The following MDGA2 variants were observed in gnomAD, a reference collection of about 807,000 sequenced individuals.
The protein encoded by MDGA2 is MAM domain-containing glycosylphosphatidylinositol anchor protein 2.
A neutral mutation model predicts 117.8 loss-of-function variants in MDGA2; 40 were observed. The ratio of observed to expected loss-of-function variants is 0.34; its 90% CI spans 0.26 to 0.44. The LOEUF (loss-of-function observed/expected upper bound fraction) is 0.44. Among genes scored for constraint, MDGA2 ranks in the 20% least tolerant of loss-of-function variants. The pLI, the probability that MDGA2 is intolerant of heterozygous loss-of-function variation, is 1.00. For synonymous variants in MDGA2, 452 were observed against 439.0 expected, an observed-to-expected ratio of 1.03 and a Z score of -0.37; for missense variants, 1,123 against 1,250.6, an observed-to-expected ratio of 0.90 and a Z score of 1.54.
At chr14:46,900,831 A>G (rs1313651113) in intron 10 of MDGA2, among the ~76,000 whole-genome samples, 1 of 152,090 alleles carries the variant, frequency 6.6e-6, no homozygotes, top group African/African-American at 2.4e-5. Flanking sequence ...TGCATGTACA[A>G]TGGGTGAACT....
chr14:46,955,025 T>C (rs1395025960), intron 9 of MDGA2, among the ~76,000 whole-genome samples: 2 of 152,100 alleles, frequency 1.3e-5, no homozygotes, highest in Non-Finnish European at 1.5e-5. Flanking sequence ...TAGAATGATA[T>C]TCAGTCATGC....
chr14:47,325,936 G>A (rs998819658), intron 1 of MDGA2, among the ~76,000 whole-genome samples: 2 of 152,070 alleles, frequency 1.3e-5, no homozygotes, highest in Non-Finnish European at 2.9e-5. Context: ...TAGGGATAAC[G>A]GGACCAAATT....
Position 47,053,680 on chromosome 14 carries a change from T to C in MDGA2, c.1525+7569A>G, listed in dbSNP as rs1171723537. On this transcript the variant is annotated intron_variant, in intron 7 of 16. Transcript: ENST00000399232. ...ACACACACACACACACATATATATA[T>C]ACACACACACATATATGTCTGAGAA... is the stretch of plus-strand genomic sequence containing the variant. 6.9e-5 allele frequency among the ~76,000 whole-genome samples: 10 copies of C among 143,990 alleles called. 1 individual carries two copies. Among genetic ancestry groups the C allele is most frequent in the South Asian group, 6.6e-4 (3 of 4,542 alleles). The allele number at this position is 143,990 out of a possible 152,430, so 94.5% of individuals were successfully genotyped here.
chr14:46,841,845 AGTTT>A lies in MDGA2; in HGVS notation c.*82_*85del, dbSNP rs757966935. On this transcript the variant is annotated 3_prime_UTR_variant, in exon 17 of 17. Coordinates refer to ENST00000399232, the MANE Select transcript of MDGA2 (RefSeq NM_001113498.3). ...AGTAGTCAGTGGAGGAATCTTTGGT[AGTTT>A]GTTTGTTCAATGTCCATTTACAAAG... 6 of 901,276 alleles carry A rather than the reference AGTTT, an allele frequency of 6.7e-6. No individual in the cohort carries two copies. The highest frequency in any genetic ancestry group is 5.1e-5 in the East Asian group (2 of 39,574). The allele number at this position is 901,276 out of a possible 1,614,324, so 55.8% of individuals were successfully genotyped here.
chr14:47,241,319 G>A (rs552275851), intron 2 of MDGA2, among the ~76,000 whole-genome samples: 1 of 151,772 alleles, frequency 6.6e-6, no homozygotes, highest in Non-Finnish European at 1.5e-5. Flanking sequence ...TCTCCTTCAG[G>A]CTCCATGCAC....
At chr14:47,043,061 G>A (rs1484356091) in intron 7 of MDGA2, among the ~76,000 whole-genome samples, 2 of 151,950 alleles carry the variant, frequency 1.3e-5, no homozygotes, top group Admixed American at 6.6e-5. Context: ...TCCATTCCAA[G>A]TCTGAATAAT....
chr14:47,354,814 G>T (rs1890957305), intron 1 of MDGA2, among the ~76,000 whole-genome samples: 1 of 152,104 alleles, frequency 6.6e-6, no homozygotes, highest in South Asian at 2.1e-4. Context: ...TGGTAATCTA[G>T]ATCTGGCTAA....
At chr14:47,442,994 T>A (rs908783248) in intron 1 of MDGA2, among the ~76,000 whole-genome samples, 1 of 152,134 alleles carries the variant, frequency 6.6e-6, no homozygotes, top group African/African-American at 2.4e-5. Context: ...TTGCCGTTCT[T>A]GTGTTCAAGT....
intron 3 of MDGA2, among the ~76,000 whole-genome samples, chr14:47,183,797 C>T (rs1443183038): frequency 1.3e-5 from 2 of 152,008 alleles, no homozygotes. Context: ...AATAGTTCAG[C>T]ACCAGAATTC....
chr14:47,279,289 T>C (rs1002641770), intron 2 of MDGA2, among the ~76,000 whole-genome samples: 3 of 152,182 alleles, frequency 2.0e-5, no homozygotes, highest in Non-Finnish European at 4.4e-5. Context: ...TTTAAGTCTC[T>C]ATTTTCCATT....
intron 1 of MDGA2, among the ~76,000 whole-genome samples, chr14:47,534,567 G>C (rs1305148044): frequency 6.6e-6 from 1 of 152,104 alleles, no homozygotes; most frequent in Non-Finnish European, 1.5e-5. Context: ...CAGATCTCGT[G>C]AGAACTCGCT....
intron 16 of MDGA2, among the ~76,000 whole-genome samples, chr14:46,844,372 G>A (rs958816587): frequency 6.6e-6 from 1 of 152,078 alleles, no homozygotes; most frequent in African/African-American, 2.4e-5. Context: ...CTGAGGTCGG[G>A]AGTTCGAGAC....
intron 9 of MDGA2, among the ~76,000 whole-genome samples, chr14:46,956,322 AATTT>A (rs1003641409): frequency 7.2e-5 from 11 of 152,146 alleles, no homozygotes; most frequent in African/African-American, 2.6e-4. Context: ...ATGCATTCCT[AATTT>A]GTCACTCATA....
At chr14:47,115,529 T>C (rs1477469540) in intron 5 of MDGA2, among the ~76,000 whole-genome samples, 2 of 152,006 alleles carry the variant, frequency 1.3e-5, no homozygotes, top group African/African-American at 2.4e-5. Context: ...TCTATGTTTA[T>C]ATTGATATGC....
chr14:47,334,929 A>T (rs908357534), intron 1 of MDGA2, among the ~76,000 whole-genome samples: 1 of 151,934 alleles, frequency 6.6e-6, no homozygotes, highest in Non-Finnish European at 1.5e-5. Flanking sequence ...TTCCAGATAA[A>T]ACAATGGGAA....
chr14:46,933,875 A>G (rs1317062479), intron 9 of MDGA2, among the ~76,000 whole-genome samples: 2 of 128,266 alleles, frequency 1.6e-5, no homozygotes, highest in African/African-American at 5.4e-5. Context: ...AATATAAAAT[A>G]AATTCCTGCA....
At chr14:47,368,680 C>G (rs1335243607) in intron 1 of MDGA2, among the ~76,000 whole-genome samples, 2 of 152,076 alleles carry the variant, frequency 1.3e-5, no homozygotes, top group East Asian at 3.9e-4. Flanking sequence ...ACCATCTGTT[C>G]TAAAGAATAC....
At chr14:47,399,888 C>T (rs1169844331) in intron 1 of MDGA2, among the ~76,000 whole-genome samples, 5 of 152,094 alleles carry the variant, frequency 3.3e-5, no homozygotes, top group African/African-American at 1.2e-4. Flanking sequence ...GAGAAGGTAT[C>T]TGTAAAGAGG....
chr14:47,644,473 C>T (rs1897487990), intron 1 of MDGA2, among the ~76,000 whole-genome samples: 1 of 151,912 alleles, frequency 6.6e-6, no homozygotes, highest in African/African-American at 2.4e-5. Flanking sequence ...AGACAAATAC[C>T]ACATGATCTC....
Sources: allele counts gnomAD v4.1 joint callset (sites outside exome capture counted in the v4.1 genomes callset), GRCh38; gene constraint gnomAD v4.1.1; transcripts MANE v1.5; gene names NCBI Gene and HGNC (gene_info 2026-07-23, HGNC 2026-07-21).